Variants in CDH8 observed in about 807,000 individuals in gnomAD.
CDH8 encodes cadherin-8.
CDH8 carries 17 observed loss-of-function variants against 68.1 expected under a neutral mutation model. The ratio of observed to expected loss-of-function variants is 0.25; its 90% CI spans 0.17 to 0.37. The LOEUF is 0.37. CDH8 is among the 10% of genes least tolerant of loss of function. CDH8 has a pLI of 1.00. For synonymous variants in CDH8, 372 were observed against 365.1 expected, an observed-to-expected ratio of 1.02 and a Z score of -0.21; for missense variants, 763 against 999.3, an observed-to-expected ratio of 0.76 and a Z score of 3.19.
At chr16:61,812,943 T>C (rs750302628) in intron 7 of CDH8, among the ~76,000 whole-genome samples, 9 of 152,186 alleles carry the variant, frequency 5.9e-5, no homozygotes, top group African/African-American at 9.6e-5. Context: ...CTTGGTGTCA[T>C]TTGTAAGAAT....
intron 8 of CDH8, among the ~76,000 whole-genome samples, chr16:61,754,087 C>T (rs1960246918): frequency 6.6e-6 from 1 of 152,128 alleles, no homozygotes; most frequent in African/African-American, 2.4e-5. Context: ...GAAATCCCTT[C>T]CCTTTCTTAG....
At chr16:61,859,443 T>C (rs1219259304) in intron 3 of CDH8, among the ~76,000 whole-genome samples, 1 of 152,150 alleles carries the variant, frequency 6.6e-6, no homozygotes, top group East Asian at 1.9e-4. Context: ...GGAATTTTCA[T>C]GCCAAGATGG....
intron 10 of CDH8, among the ~76,000 whole-genome samples, chr16:61,661,449 T>G (rs1052598615): frequency 6.6e-6 from 1 of 151,774 alleles, no homozygotes; most frequent in African/African-American, 2.4e-5. Context: ...TTTGGGACAC[T>G]CATAGACATG....
At chr16:61,813,525 C>T (rs1470532945) in intron 7 of CDH8, among the ~76,000 whole-genome samples, 1 of 152,178 alleles carries the variant, frequency 6.6e-6, no homozygotes. Context: ...TGGCCCAGGG[C>T]TGTGTCTGAG....
intron 2 of CDH8, among the ~76,000 whole-genome samples, chr16:61,951,740 T>C (rs979058446): frequency 6.6e-6 from 1 of 152,176 alleles, no homozygotes; most frequent in East Asian, 1.9e-4. Flanking sequence ...AGCACTTTTA[T>C]AGGATGTTAA....
chr16:61,655,432 A>G (rs147771827), intron 11 of CDH8, 38 bp downstream of exon 11: 1 of 1,606,410 alleles, frequency 6.2e-7, no homozygotes, highest in Non-Finnish European at 8.5e-7. Context: ...TATGAATCAG[A>G]AAAAGGGTGA....
intron 10 of CDH8, among the ~76,000 whole-genome samples, chr16:61,665,824 C>T (rs948638362): frequency 4.4e-5 from 6 of 136,962 alleles, no homozygotes; most frequent in Non-Finnish European, 4.8e-5. Context: ...TTCCTTCCTT[C>T]TCTCCTTCCC....
chr16:61,954,700 CAAAA>C (rs35839753), intron 2 of CDH8, among the ~76,000 whole-genome samples: 3 of 68,314 alleles, frequency 4.4e-5, no homozygotes, highest in Non-Finnish European at 6.0e-5. Flanking sequence ...GACTCCATCT[CAAAA>C]AAAAAAAAAA....
intron 4 of CDH8, among the ~76,000 whole-genome samples, chr16:61,838,808 C>T (rs149825331): frequency 4.8e-4 from 73 of 152,188 alleles, no homozygotes; most frequent in African/African-American, 1.7e-3. Flanking sequence ...AATGTGTCTT[C>T]AAATCTGACA....
chr16:61,970,924 G>T (rs1235056728), intron 2 of CDH8, among the ~76,000 whole-genome samples: 1 of 152,152 alleles, frequency 6.6e-6, no homozygotes, highest in Non-Finnish European at 1.5e-5. Context: ...ATTGTGATTT[G>T]TTCCTTCCCC....
chr16:61,655,551 T>C lies in CDH8; in HGVS notation c.1825A>G (p.Asn609Asp). Residue 609 changes from asparagine (N) to aspartate (D), a missense_variant, in exon 11 of 12, where the codon AAT (asparagine) becomes GAT (aspartate). Transcript: ENST00000577390. Reference sequence around the variant, plus strand: ...ATTGGAAGGACATAAGCTTCGACATTGCAAGACTGGACGACACCGTCATTG... The same window carrying C: ...ATTGGAAGGACATAAGCTTCGACATCGCAAGACTGGACGACACCGTCATTG... ...CSNDGVVQSC[N>D]VEAYVLPIGL... The C allele has an allele frequency of 6.2e-7, 1 of 1,614,126 alleles. No individual in the cohort carries two copies. The highest frequency in any genetic ancestry group is 8.5e-7 in the Non-Finnish European group (1 of 1,180,008).
At chr16:61,791,275 CA>C (rs1961371171) in intron 7 of CDH8, among the ~76,000 whole-genome samples, 1 of 151,858 alleles carries the variant, frequency 6.6e-6, no homozygotes, top group African/African-American at 2.4e-5. Flanking sequence ...ACATTGCTCT[CA>C]ACAAAATCCT....
intron 2 of CDH8, among the ~76,000 whole-genome samples, chr16:61,907,695 TAAGTA>T (rs1003872503): frequency 5.4e-5 from 8 of 149,010 alleles, no homozygotes; most frequent in African/African-American, 1.7e-4. Context: ...AAAAAAAAGT[TAAGTA>T]AAGAAATATA....
At chr16:61,676,790 T>TA (rs1172916286) in intron 10 of CDH8, among the ~76,000 whole-genome samples, 1 of 152,008 alleles carries the variant, frequency 6.6e-6, no homozygotes, top group Admixed American at 6.6e-5. Flanking sequence ...ATCCTAAAAA[T>TA]AAAAAATACT....
At chr16:62,004,847 C>T (rs1039774197) in intron 2 of CDH8, among the ~76,000 whole-genome samples, 5 of 152,208 alleles carry the variant, frequency 3.3e-5, no homozygotes, top group African/African-American at 1.2e-4. Flanking sequence ...TCTCTCTTAG[C>T]CCAAGCCCTT....
intron 2 of CDH8, among the ~76,000 whole-genome samples, chr16:61,908,175 C>A (rs1964095687): frequency 6.6e-6 from 1 of 151,964 alleles, no homozygotes; most frequent in African/African-American, 2.4e-5. Context: ...AATCAAATTA[C>A]ATCTTAGCAT....
intron 10 of CDH8, among the ~76,000 whole-genome samples, chr16:61,698,862 C>T (rs1596877695): frequency 1.3e-5 from 2 of 152,262 alleles, no homozygotes; most frequent in Non-Finnish European, 1.5e-5. Flanking sequence ...AGCACCTTAG[C>T]TGGGTGATGC....
intron 11 of CDH8, among the ~76,000 whole-genome samples, chr16:61,655,195 G>T (rs535012723): frequency 2.0e-5 from 3 of 152,192 alleles, no homozygotes; most frequent in East Asian, 3.9e-4. Flanking sequence ...CGACGTAAAA[G>T]CCCTTCTCCA....
At chr16:62,031,398 C>T (rs1329614597) in intron 1 of CDH8, among the ~76,000 whole-genome samples, 1 of 152,076 alleles carries the variant, frequency 6.6e-6, no homozygotes, top group African/African-American at 2.4e-5. Context: ...GATTGTATCT[C>T]TTTCTTTTAA....
Sources: gnomAD v4.1 joint callset for allele counts (sites outside exome capture counted in the v4.1 genomes callset) on GRCh38, gnomAD v4.1.1 for gene constraint, MANE v1.5 for transcripts, NCBI Gene and HGNC (gene_info 2026-07-23, HGNC 2026-07-21) for gene names.